Variants in PLA2G4B observed in about 807,000 individuals in gnomAD.
PLA2G4B encodes cytosolic phospholipase A2 beta.
PLA2G4B carries 122 observed loss-of-function variants against 95.8 expected under a neutral mutation model. The observed-to-expected ratio is 1.27, with a 90% CI of 1.10 to 1.48. The LOEUF (loss-of-function observed/expected upper bound fraction) is 1.48. PLA2G4B is among the 40% of genes most tolerant of loss of function. PLA2G4B has a pLI of 0.00. For missense variants in PLA2G4B, 1,158 were observed against 996.2 expected, an observed-to-expected ratio of 1.16 and a Z score of -2.19; for synonymous variants, 518 against 421.5, an observed-to-expected ratio of 1.23 and a Z score of -2.80.
chr15:41,843,618 T>C, intron 10 of PLA2G4B, 58 bp from the exon 11 acceptor site: 1 of 1,583,952 alleles, frequency 6.3e-7, no homozygotes, highest in Non-Finnish European at 8.6e-7. Flanking sequence ...CAGACCCAGC[T>C]TTCCATTCTC....
chr15:41,843,670 G>A lies in PLA2G4B; in HGVS notation c.744-6G>A, dbSNP rs374201345. ...CTGTCTCACAGTCTCTTCCTTCCCC[G>A]GCCAGACTGAGGGAGCTGGCCGTGC... On this transcript the variant is annotated splice_region_variant and splice_polypyrimidine_tract_variant and intron_variant, in intron 10 of 19. Coordinates refer to ENST00000458483, the MANE Select transcript of PLA2G4B (RefSeq NM_001114633.2). 36 of 1,612,464 alleles carry A rather than the reference G, an allele frequency of 2.2e-5. No homozygotes were observed. The highest frequency in any genetic ancestry group is 5.3e-5 in the African/African-American group (4 of 74,892).
In PLA2G4B at chr15:41,844,525, C is replaced by T. The variant is rs773108732; in HGVS notation, c.934C>T (p.Leu312=). The change falls in exon 12 of 20, where the codon CTG becomes TTG. Residue 312 remains leucine, a synonymous_variant. Transcript: ENST00000458483. The part of the protein sequence containing the change: ...TGGGIRAMTS[L]YGQLAGLKEL... ...TGGTGGGATCCGGGCAATGACTTCC[C>T]TGTATGGGCAGCTGGCTGGCCTGAA... 6 of 1,614,048 alleles carry T rather than the reference C, an allele frequency of 3.7e-6. No individual in the cohort carries two copies. Among genetic ancestry groups the T allele is most frequent in the South Asian group, 2.2e-5 (2 of 91,086 alleles).
intron 10 of PLA2G4B, 50 bp downstream of exon 10, chr15:41,842,641 T>G: frequency 6.2e-7 from 1 of 1,600,108 alleles, no homozygotes; most frequent in Non-Finnish European, 8.5e-7. Flanking sequence ...ACAACCAGGG[T>G]GCGGGGCTGG....
intron 8 of PLA2G4B, 30 bp downstream of exon 8, chr15:41,841,979 C>T: frequency 1.3e-6 from 2 of 1,597,330 alleles, no homozygotes; most frequent in African/African-American, 1.3e-5. Context: ...CGAGGTGGGG[C>T]CCCCAGAACT....
rs780470088 is a variant in PLA2G4B, at chr15:41,847,828, G to A, written c.2314G>A (p.Val772Met). ...EQLLEALRQAVQRRRQRRPH is the reference protein window; with the variant it reads ...EQLLEALRQAMQRRRQRRPH ...GCTGCTGGAGGCTCTGCGCCAGGCA[G>A]TGCAGCGGAGGCGGCAGCGCAGGCC... The change falls in exon 20 of 20, where the codon GTG becomes ATG. Residue 772 changes from valine to methionine, a missense_variant. Coordinates refer to ENST00000458483, the MANE Select transcript of PLA2G4B (RefSeq NM_001114633.2). 5.0e-6 allele frequency: 8 copies of A among 1,613,110 alleles called. No homozygotes were observed. Among genetic ancestry groups the A allele is most frequent in the South Asian group, 1.1e-5 (1 of 91,080 alleles).
Sources: gnomAD v4.1 joint callset for allele counts on GRCh38, gnomAD v4.1.1 for gene constraint, MANE v1.5 for transcripts, NCBI Gene and HGNC (gene_info 2026-07-23, HGNC 2026-07-21) for gene names.